Variants in KCNAB2 observed in about 807,000 individuals in gnomAD.
KCNAB2 encodes voltage-gated potassium channel subunit beta-2.
In KCNAB2, 29 loss-of-function variants were observed where a neutral mutation model predicts 63.6. That is an observed-to-expected ratio of 0.46 (90% confidence interval 0.34 to 0.62). The LOEUF (loss-of-function observed/expected upper bound fraction) is 0.62, where lower values mean the gene tolerates loss of function less well. Among genes scored for constraint, KCNAB2 ranks in the 20% least tolerant of loss-of-function variants. KCNAB2 has a pLI of 0.01. For missense variants in KCNAB2, 359 were observed against 563.9 expected (o/e 0.64, Z 3.68); for synonymous variants, 222 against 224.2 (o/e 0.99, Z 0.09).
At chr1:6,063,512 C>T (rs1662497253) in intron 2 of KCNAB2, among the ~76,000 whole-genome samples, 1 of 151,482 alleles carries the variant, frequency 6.6e-6, no homozygotes, top group Non-Finnish European at 1.5e-5. Context: ...CGAGTTCAAG[C>T]AATTCTCCTG....
chr1:6,096,300 G>A lies in KCNAB2; in HGVS notation c.949-336G>A, dbSNP rs1029737233. 10 of 397,970 alleles carry A rather than the reference G, an allele frequency of 2.5e-5. No homozygotes were observed. Among genetic ancestry groups the A allele is most frequent in the South Asian group, 4.1e-5 (2 of 48,918 alleles). 24.7% of individuals were successfully genotyped at this position (397,970 alleles called of 1,614,324 possible). On this transcript the variant is annotated intron_variant, in intron 13 of 15. Transcript: ENST00000378083. The surrounding 1 kb of genome is among the most constrained non-coding windows in gnomAD (Gnocchi z 5.9). ...GGGCCAGGAGGTTCTTCTGGGCCAC[G>A]GGTGGCAGCCGAGACCCCAGGCTGC... is the stretch of plus-strand genomic sequence containing the variant.
rs1490790368 is a variant in KCNAB2, at chr1:6,087,975, T to A, written c.470+464T>A. On this transcript the variant is annotated intron_variant, in intron 7 of 15. Transcript: ENST00000378083. This position sits in a 1 kb window ranked among gnomAD's most constrained non-coding sequence, Gnocchi z 6.4. Reference sequence around the variant, plus strand: ...GCAGGTCTCCAAGTGTCTAGCTCCATAGTTTCTGGGCTGGACACACTTGGG... The same window carrying A: ...GCAGGTCTCCAAGTGTCTAGCTCCAAAGTTTCTGGGCTGGACACACTTGGG... Among the ~76,000 whole-genome samples the A allele has an allele frequency of 6.6e-6, 1 of 152,204 alleles. No homozygotes were observed. Among genetic ancestry groups the A allele is most frequent in the Non-Finnish European group, 1.5e-5 (1 of 68,020 alleles).
rs1002170976 is a variant in KCNAB2 at position 6,087,646 on chromosome 1, G to A, written c.470+135G>A. On this transcript the variant is annotated intron_variant, in intron 7 of 15. Coordinates refer to ENST00000378083, the MANE Select transcript of KCNAB2 (RefSeq NM_001199862.2). The surrounding 1 kb of genome is among the most constrained non-coding windows in gnomAD (Gnocchi z 6.4). ...TCCTTGAGAAGGGAGAGTGGTCGGGGTCTGTCCTGGACAGGCCCCGGCCCA... is the reference window on the plus strand; with the variant it reads ...TCCTTGAGAAGGGAGAGTGGTCGGGATCTGTCCTGGACAGGCCCCGGCCCA... 3 of 917,258 alleles carry A rather than the reference G, an allele frequency of 3.3e-6. No homozygotes were observed. Among genetic ancestry groups the A allele is most frequent in the Admixed American group, 2.0e-5 (1 of 50,834 alleles). 56.8% of individuals were successfully genotyped at this position (917,258 alleles called of 1,614,324 possible).
intron 4 of KCNAB2, among the ~76,000 whole-genome samples, chr1:6,075,450 A>G (rs1297385280): frequency 6.6e-6 from 1 of 152,246 alleles, no homozygotes; most frequent in Non-Finnish European, 1.5e-5. Flanking sequence ...TTTCTAGATG[A>G]CACCAAGCTG....
chr1:6,073,116 G>A lies in KCNAB2; in HGVS notation c.262+318G>A, dbSNP rs918932653. Reference sequence around the variant, plus strand: ...GCCCTTAGGGCCCCGGGAGTGCAACGAAGACACCTTACCTTCCAAGGCAGG... The same window carrying A: ...GCCCTTAGGGCCCCGGGAGTGCAACAAAGACACCTTACCTTCCAAGGCAGG... On this transcript the variant is annotated intron_variant, in intron 3 of 15. Transcript: ENST00000378083. This position sits in a 1 kb window ranked among gnomAD's most constrained non-coding sequence, Gnocchi z 5.7. 2.0e-5 allele frequency among the ~76,000 whole-genome samples: 3 copies of A among 152,098 alleles called. No individual in the cohort carries two copies. The highest frequency in any genetic ancestry group is 1.9e-4 in the East Asian group (1 of 5,190).
chr1:5,998,404 G>A (rs1349752488), intron 1 of KCNAB2, among the ~76,000 whole-genome samples: 6 of 152,182 alleles, frequency 3.9e-5, no homozygotes, highest in Non-Finnish European at 7.3e-5. Context: ...CTTGGGTTTC[G>A]AGGTCTGTGT....
intron 7 of KCNAB2, among the ~76,000 whole-genome samples, chr1:6,088,221 T>A (rs1664869534): frequency 7.1e-6 from 1 of 140,834 alleles, no homozygotes; most frequent in Non-Finnish European, 1.5e-5. Context: ...TTGTCCTTTT[T>A]CTCTCTCTCT....
At chr1:6,020,332 G>A (rs953426428) in intron 1 of KCNAB2, among the ~76,000 whole-genome samples, 3 of 152,124 alleles carry the variant, frequency 2.0e-5, no homozygotes, top group African/African-American at 7.2e-5. Context: ...TCGGGATCTC[G>A]TTCTGTGGTC....
chr1:6,016,175 T>C (rs934279757), intron 1 of KCNAB2, among the ~76,000 whole-genome samples: 3 of 152,196 alleles, frequency 2.0e-5, no homozygotes, highest in African/African-American at 7.2e-5. Flanking sequence ...TGCTGCCTGC[T>C]GACAGCTTCA....
chr1:6,000,043 G>T (rs1405254032), intron 1 of KCNAB2, among the ~76,000 whole-genome samples: 1 of 151,762 alleles, frequency 6.6e-6, no homozygotes. Flanking sequence ...TGCCCCGTCT[G>T]CACCTTGTCT....
At chr1:6,041,735 C>A, upstream of KCNAB2, 1 of 1,108,694 alleles carries the variant, frequency 9.0e-7, no homozygotes, top group Non-Finnish European at 1.4e-6. Flanking sequence ...ATTGGTGGTT[C>A]TTTCTGACCT....
At position 6,092,714 on chromosome 1, in the gene KCNAB2, G is replaced by T. The variant is rs1048628482; in HGVS notation, c.646+1407G>T. On this transcript the variant is annotated intron_variant, in intron 10 of 15. Transcript: ENST00000378083. ...ACCAGGCACTTCCTGAGGGTCTATC[G>T]GAGTTGGCAGTTAAAGCAGGTGGCC... Among the ~76,000 whole-genome samples, 5 of 152,210 alleles carry T rather than the reference G, an allele frequency of 3.3e-5. No individual in the cohort carries two copies. The East Asian group carries it at 9.6e-4, about 29-fold the overall frequency.
Position 6,094,405 on chromosome 1 carries a change from G to A in KCNAB2, c.652G>A (p.Val218Ile). 4.3e-6 allele frequency: 7 copies of A among 1,609,632 alleles called. No individual in the cohort carries two copies. The highest frequency in any genetic ancestry group is 1.7e-4 in the Middle Eastern group (1 of 6,038). Residue 218 changes from valine to isoleucine, a missense_variant, in exon 11 of 16, where the codon GTC becomes ATC. Physicochemically the swap from Val to Ile is conservative, Grantham distance 29. Coordinates refer to ENST00000378083, the MANE Select transcript of KCNAB2 (RefSeq NM_001199862.2). ...KSRTFIIEET[V>I]RAMTHVINQG... is the part of the protein sequence containing the mutation. ...TTCCCTTTCTCTCACGACAGAGACC[G>A]TCCGCGCCATGACCCACGTCATCAA...
At chr1:6,097,463 C>CG in intron 15 of KCNAB2, 106 bp downstream of exon 15, 1 of 1,533,550 alleles carries the variant, frequency 6.5e-7, no homozygotes, top group Non-Finnish European at 8.8e-7. Context: ...TCTAGGCACT[C>CG]AGGATGCGCC....
At position 6,074,427 on chromosome 1, in the gene KCNAB2, C is replaced by G. The variant is rs573933402; in HGVS notation, c.300+657C>G. Among the ~76,000 whole-genome samples the G allele has an allele frequency of 8.6e-4, 131 of 152,366 alleles. No individual in the cohort carries two copies. Among genetic ancestry groups the G allele is most frequent in the African/African-American group, 3.1e-3 (129 of 41,586 alleles). ...ACGCCCAGACATGTGTGCTTCTGGA[C>G]AGTGAGGCAGCATCTCAGAAATGAG... On this transcript the variant is annotated intron_variant, in intron 4 of 15. Coordinates refer to ENST00000378083, the MANE Select transcript of KCNAB2 (RefSeq NM_001199862.2). This position sits in a 1 kb window ranked among gnomAD's most constrained non-coding sequence, Gnocchi z 4.9.
At chr1:6,082,362 G>A in intron 5 of KCNAB2, 88 bp downstream of exon 5, 1 of 1,045,758 alleles carries the variant, frequency 9.6e-7, no homozygotes, top group Non-Finnish European at 1.5e-6. Flanking sequence ...GCGTTCCCAA[G>A]AGTGCTCACA....
Position 6,097,752 on chromosome 1 carries a change from C to A in KCNAB2, c.1158+395C>A, listed in dbSNP as rs1406103960. 3.2e-5 allele frequency: 14 copies of A among 438,740 alleles called. No individual in the cohort carries two copies. The East Asian group carries it at 4.8e-4, about 15-fold the overall frequency. 27.2% of individuals were successfully genotyped at this position (438,740 alleles called of 1,614,324 possible). On this transcript the variant is annotated intron_variant, in intron 15 of 15. Transcript: ENST00000378083. ...CGCAAATGCCTGCGGGAAGAACCTT[C>A]CACCAGCAGGAAGAGTTGATGCAAA...
chr1:5,997,718 G>A (rs544758754), intron 1 of KCNAB2, among the ~76,000 whole-genome samples: 16 of 152,342 alleles, frequency 1.1e-4, no homozygotes, highest in Admixed American at 3.9e-4. Context: ...ACACTCAGCC[G>A]TGGCAGGGGC....
Position 6,024,898 on chromosome 1 carries a change from G to A in KCNAB2, c.-52-15619G>A, listed in dbSNP as rs1465894740. 6.6e-6 allele frequency among the ~76,000 whole-genome samples: 1 copy of A among 152,182 alleles called. No individual in the cohort carries two copies. Among genetic ancestry groups the A allele is most frequent in the East Asian group, 1.9e-4 (1 of 5,198 alleles). ...CCACTAATTTCACCAAGCGACCTTG[G>A]ATGTTATTTAATATTCTTGGGCCTC... On this transcript the variant is annotated intron_variant, in intron 1 of 16. Coordinates refer to the KCNAB2 transcript ENST00000341524. The surrounding 1 kb of genome is among the most constrained non-coding windows in gnomAD (Gnocchi z 5.4).
Sources: allele counts gnomAD v4.1 joint callset (sites outside exome capture counted in the v4.1 genomes callset), GRCh38; gene constraint gnomAD v4.1.1; non-coding constraint Gnocchi (gnomAD v3.1); transcripts MANE v1.5; gene names NCBI Gene and HGNC (gene_info 2026-07-23, HGNC 2026-07-21).